MSTO1: variants seen among roughly 807,000 people sequenced by gnomAD.
MSTO1 encodes the protein misato mitochondrial distribution and morphology regulator 1, also known as protein misato homolog 1.
A neutral mutation model predicts 55.7 loss-of-function variants in MSTO1; 24 were observed. That is an observed-to-expected ratio of 0.43 (90% CI 0.31 to 0.61). The LOEUF (loss-of-function observed/expected upper bound fraction) is 0.61, where lower values mean the gene tolerates loss of function less well. Among genes scored for constraint, MSTO1 ranks in the 20% least tolerant of loss-of-function variants. MSTO1 has a pLI of 0.09. For missense variants in MSTO1, 363 were observed against 625.7 expected, an observed-to-expected ratio of 0.58 and a Z score of 4.48; for synonymous variants, 162 against 252.8, an observed-to-expected ratio of 0.64 and a Z score of 3.41.
chr1:155,588,207 CAAAA>C, the MSTO1 span, among the ~76,000 whole-genome samples: 2 of 95,790 alleles, frequency 2.1e-5, no homozygotes, highest in Non-Finnish European at 2.3e-5. Flanking sequence ...GACTGTGTCT[CAAAA>C]AAAAAAAAAA....
the MSTO1 span, among the ~76,000 whole-genome samples, chr1:155,575,441 C>T: frequency 6.6e-6 from 1 of 151,888 alleles, no homozygotes; most frequent in Non-Finnish European, 1.5e-5. Context: ...AAATCTTTTG[C>T]CTTTTTTTTT....
chr1:155,592,548 C>G, the MSTO1 span, among the ~76,000 whole-genome samples: 1 of 151,872 alleles, frequency 6.6e-6, no homozygotes, highest in Non-Finnish European at 1.5e-5. Flanking sequence ...AACTCTAGTA[C>G]TTGACAGTTA....
the MSTO1 span, chr1:155,591,041 G>C: frequency 2.5e-3 from 3,988 of 1,613,872 alleles, 21 homozygotes; most frequent in South Asian, 0.014. Flanking sequence ...TGCAGGTCCT[G>C]TGGCAGCGCC....
the MSTO1 span, among the ~76,000 whole-genome samples, chr1:155,599,416 T>A: frequency 6.6e-6 from 1 of 152,112 alleles, no homozygotes; most frequent in Non-Finnish European, 1.5e-5. Flanking sequence ...GTTTTTTTTG[T>A]TTTTTATTTT....
upstream of MSTO1, chr1:155,610,004 G>T: frequency 1.9e-6 from 1 of 530,040 alleles, no homozygotes; most frequent in East Asian, 3.3e-5. Context: ...CTCCAACGTG[G>T]AGCAGGAGCA....
At chr1:155,585,102 A>C in the MSTO1 span, among the ~76,000 whole-genome samples, 1 of 152,160 alleles carries the variant, frequency 6.6e-6, no homozygotes, top group Admixed American at 6.6e-5. Flanking sequence ...CTTGATTATA[A>C]GGTCAGGGAC....
At chr1:155,590,018 G>A in the MSTO1 span, among the ~76,000 whole-genome samples, 1 of 151,462 alleles carries the variant, frequency 6.6e-6, no homozygotes, top group South Asian at 2.1e-4. Context: ...GAGGCGGGGC[G>A]GGCAGGACAG....
chr1:155,575,963 C>G, the MSTO1 span, among the ~76,000 whole-genome samples: 1 of 151,834 alleles, frequency 6.6e-6, no homozygotes, highest in Middle Eastern at 3.2e-3. Flanking sequence ...GCTGGGACTA[C>G]AGGCACACGT....
At chr1:155,566,817 G>T in the MSTO1 span, among the ~76,000 whole-genome samples, 1 of 151,730 alleles carries the variant, frequency 6.6e-6, no homozygotes, top group South Asian at 2.1e-4. Context: ...GTTTCTCCAT[G>T]TTTGTCAGGC....
chr1:155,563,847 G>A, the MSTO1 span: 42 of 333,080 alleles, frequency 1.3e-4, no homozygotes, highest in African/African-American at 7.1e-4. Flanking sequence ...GAATATTGCC[G>A]TGTTGTCATT....
chr1:155,584,175 G>A, the MSTO1 span, among the ~76,000 whole-genome samples: 1 of 151,986 alleles, frequency 6.6e-6, no homozygotes, highest in African/African-American at 2.4e-5. Flanking sequence ...GACCAGCTCT[G>A]GCAACATAGC....
chr1:155,573,931 AT>A, the MSTO1 span, among the ~76,000 whole-genome samples: 1 of 151,990 alleles, frequency 6.6e-6, no homozygotes, highest in South Asian at 2.1e-4. Flanking sequence ...CTTGAATGAG[AT>A]CGATGTGGAT....
At chr1:155,565,798 T>C in the MSTO1 span, among the ~76,000 whole-genome samples, 1 of 152,172 alleles carries the variant, frequency 6.6e-6, no homozygotes, top group Non-Finnish European at 1.5e-5. Context: ...AACTAGAGAC[T>C]AAAATATATT....
upstream of MSTO1, chr1:155,609,936 C>G: frequency 2.4e-6 from 1 of 424,876 alleles, no homozygotes; most frequent in Non-Finnish European, 4.2e-6. Flanking sequence ...GAAGCAGAGC[C>G]TTCCACGGCC....
the MSTO1 span, among the ~76,000 whole-genome samples, chr1:155,578,308 T>G: frequency 2.7e-5 from 3 of 111,204 alleles, no homozygotes; most frequent in Admixed American, 1.1e-4. Context: ...GGGGGAGGGG[T>G]GGGGAGCAGA....
At chr1:155,601,005 A>G in the MSTO1 span, among the ~76,000 whole-genome samples, 1 of 131,294 alleles carries the variant, frequency 7.6e-6, no homozygotes, top group Admixed American at 8.1e-5. Flanking sequence ...TTTTAAATAG[A>G]GATGGAGTTT....
chr1:155,592,919 CT>C, the MSTO1 span, among the ~76,000 whole-genome samples: 6 of 141,970 alleles, frequency 4.2e-5, no homozygotes, highest in Non-Finnish European at 4.7e-5. Context: ...AGTTTACTTT[CT>C]TTTTTTTTTG....
the MSTO1 span, among the ~76,000 whole-genome samples, chr1:155,572,152 T>C: frequency 6.6e-6 from 1 of 152,090 alleles, no homozygotes; most frequent in Non-Finnish European, 1.5e-5. Context: ...GGATGGATCA[T>C]TCTTTGTTGT....
At chr1:155,593,841 C>T in the MSTO1 span, among the ~76,000 whole-genome samples, 5 of 151,934 alleles carry the variant, frequency 3.3e-5, no homozygotes, top group Admixed American at 2.6e-4. Flanking sequence ...TGGTGGCAGG[C>T]GCCTGTAGTC....
Sources: allele counts gnomAD v4.1 joint callset (sites outside exome capture counted in the v4.1 genomes callset), GRCh38; gene constraint gnomAD v4.1.1; transcripts MANE v1.5; gene names NCBI Gene and HGNC (gene_info 2026-07-23, HGNC 2026-07-21).